The following FEM1B variants were observed in gnomAD, a reference collection of about 807,000 sequenced individuals.
The protein encoded by FEM1B is fem-1 homolog B, also known as protein fem-1 homolog B.
In FEM1B, 10 loss-of-function variants were observed where a neutral mutation model predicts 38.6. The ratio of observed to expected loss-of-function variants is 0.26; its 90% confidence interval spans 0.16 to 0.44. The LOEUF is 0.44. FEM1B is among the 20% of genes least tolerant of loss of function. The pLI is 1.00. For missense variants in FEM1B, 471 were observed against 786.7 expected (o/e 0.60, Z 4.80); for synonymous variants, 288 against 288.0 (o/e 1.00, Z 0.00).
Position 68,294,535 on chromosome 15 carries a change from T to G in FEM1B, c.*3293T>G, listed in dbSNP as rs999883181. 7 of 152,122 alleles carry G rather than the reference T, an allele frequency of 4.6e-5. No individual in the cohort carries two copies. Among genetic ancestry groups the G allele is most frequent in the Non-Finnish European group, 5.9e-5 (4 of 68,006 alleles). 9.4% of individuals were successfully genotyped at this position (152,122 alleles called of 1,614,324 possible). On this transcript the variant is annotated 3_prime_UTR_variant, in exon 2 of 2. Transcript: ENST00000306917. This position sits in a 1 kb window ranked among gnomAD's most constrained non-coding sequence, Gnocchi z 4.4. ...CCCTGTTAAGAGTTTTCACTATAGT[T>G]GAGGCAGCTACTTTATGAATAAGAC...
At position 68,280,771 on chromosome 15, in the gene FEM1B, A is replaced by G. The variant is rs899440756; in HGVS notation, c.248+2106A>G. On this transcript the variant is annotated intron_variant, in intron 1 of 1. Transcript: ENST00000306917. The surrounding 1 kb of genome is among the most constrained non-coding windows in gnomAD (Gnocchi z 4.2). The stretch of plus-strand genomic sequence containing the variant: ...TAAGAGTAAGACTGGTTAAACTGCA[A>G]TCTCAAATGTTTCCATCATTTAAGA... Among the ~76,000 whole-genome samples the G allele has an allele frequency of 6.6e-6, 1 of 152,236 alleles. No individual in the cohort carries two copies. Among genetic ancestry groups the G allele is most frequent in the Non-Finnish European group, 1.5e-5 (1 of 68,048 alleles).
At chr15:68,287,866 G>C (rs1259658721) in intron 1 of FEM1B, among the ~76,000 whole-genome samples, 2 of 88,238 alleles carry the variant, frequency 2.3e-5, no homozygotes. Context: ...ATGAAGTTTT[G>C]CTCTGTTGCC....
Position 68,295,417 on chromosome 15 carries a change from A to G in FEM1B, c.*4175A>G, listed in dbSNP as rs2140248146. On this transcript the variant is annotated 3_prime_UTR_variant, in exon 2 of 2. Coordinates refer to ENST00000306917, the MANE Select transcript of FEM1B (RefSeq NM_015322.5). Reference sequence around the variant, plus strand: ...TTGTTGTTGTTGCTTAGTAACTGGTAGAGGAGAAAAGATGAGGAAAGAAAC... The same window carrying G: ...TTGTTGTTGTTGCTTAGTAACTGGTGGAGGAGAAAAGATGAGGAAAGAAAC... 6.6e-6 allele frequency: 1 copy of G among 152,322 alleles called. No individual in the cohort carries two copies. The highest frequency in any genetic ancestry group is 2.1e-4 in the South Asian group (1 of 4,820). 9.4% of individuals were successfully genotyped at this position (152,322 alleles called of 1,614,324 possible). A position where few individuals can be genotyped will look rare whatever the true frequency, so the allele number is the denominator to read the frequency against.
At position 68,290,200 on chromosome 15, in the gene FEM1B, T is replaced by G; in HGVS notation, c.842T>G (p.Leu281Ter). The G allele has an allele frequency of 6.2e-7, 1 of 1,614,080 alleles. No individual in the cohort carries two copies. The highest frequency in any genetic ancestry group is 8.5e-7 in the Non-Finnish European group (1 of 1,180,006). ...TACCACTATCTATATTTAGCCATGTTAGAGAGGTTCCAAGATGGTGATAAC... is the reference window on the plus strand; with the variant it reads ...TACCACTATCTATATTTAGCCATGTGAGAGAGGTTCCAAGATGGTGATAAC... ...KTYHYLYLAM[L>*]ERFQDGDNIL... Residue 281 changes from leucine to a stop codon, truncating the protein, a stop_gained, in exon 2 of 2, where the codon TTA becomes TGA. Transcript: ENST00000306917. LOFTEE classifies it high-confidence loss of function. The surrounding 1 kb of genome is among the most constrained non-coding windows in gnomAD (Gnocchi z 9.7).
At chr15:68,286,365 CA>C (rs1892786335) in intron 1 of FEM1B, among the ~76,000 whole-genome samples, 1 of 151,740 alleles carries the variant, frequency 6.6e-6, no homozygotes, top group African/African-American at 2.4e-5. Flanking sequence ...ATTGGCCTGT[CA>C]GTTCTTTCTT....
At chr15:68,279,367 G>A (rs1892702724) in intron 1 of FEM1B, among the ~76,000 whole-genome samples, 1 of 152,174 alleles carries the variant, frequency 6.6e-6, no homozygotes, top group Admixed American at 6.5e-5. Flanking sequence ...TGTTAGTTGA[G>A]GTGGGAAGTT....
rs1217295213 is a variant in FEM1B at position 68,291,437 on chromosome 15, A to G, written c.*195A>G. ...TTCAGACAGACTTTAACAAAACCAC[A>G]TTGTTTTGGTGTAACTATAAGGTAT... On this transcript the variant is annotated 3_prime_UTR_variant, in exon 2 of 2. Coordinates refer to ENST00000306917, the MANE Select transcript of FEM1B (RefSeq NM_015322.5). This position sits in a 1 kb window ranked among gnomAD's most constrained non-coding sequence, Gnocchi z 6.9. The G allele has an allele frequency of 1.9e-6, 1 of 528,396 alleles. No homozygotes were observed. Among genetic ancestry groups the G allele is most frequent in the Non-Finnish European group, 3.3e-6 (1 of 302,722 alleles). 32.7% of individuals were successfully genotyped at this position (528,396 alleles called of 1,614,324 possible). A position where few individuals can be genotyped will look rare whatever the true frequency, so the allele number is the denominator to read the frequency against.
intron 1 of FEM1B, among the ~76,000 whole-genome samples, chr15:68,285,643 A>G (rs1038762662): frequency 2.0e-5 from 3 of 149,608 alleles, no homozygotes; most frequent in African/African-American, 7.4e-5. Flanking sequence ...ATCTTTTCAT[A>G]TGCTTATGGG....
rs1892709931 is a variant in FEM1B, at chr15:68,280,101, A to G, written c.248+1436A>G. On this transcript the variant is annotated intron_variant, in intron 1 of 1. Coordinates refer to ENST00000306917, the MANE Select transcript of FEM1B (RefSeq NM_015322.5). This position sits in a 1 kb window ranked among gnomAD's most constrained non-coding sequence, Gnocchi z 4.2. The stretch of plus-strand genomic sequence containing the variant: ...GAATACTGCTGCTGAGGCAATGTGC[A>G]TAAGGGAGAATAGTGGGGAGAAAAA... The G allele has an allele frequency of 6.6e-6, 1 of 152,270 alleles. No homozygotes were observed. Among genetic ancestry groups the G allele is most frequent in the Admixed American group, 6.5e-5 (1 of 15,286 alleles). 9.4% of individuals were successfully genotyped at this position (152,270 alleles called of 1,614,324 possible).
rs2140246433 is a variant in FEM1B, at chr15:68,291,459, G to T, written c.*217G>T. The T allele has an allele frequency of 6.4e-6, 3 of 468,644 alleles. No homozygotes were observed. The highest frequency in any genetic ancestry group is 1.1e-5 in the Non-Finnish European group (3 of 267,502). 29.0% of individuals were successfully genotyped at this position (468,644 alleles called of 1,614,324 possible). ...CACATTGTTTTGGTGTAACTATAAG[G>T]TATTTGCATATTGGTTACCTATTTG... On this transcript the variant is annotated 3_prime_UTR_variant, in exon 2 of 2. Coordinates refer to ENST00000306917, the MANE Select transcript of FEM1B (RefSeq NM_015322.5). The surrounding 1 kb of genome is among the most constrained non-coding windows in gnomAD (Gnocchi z 6.9).
chr15:68,282,016 A>G (rs1039268183), intron 1 of FEM1B, among the ~76,000 whole-genome samples: 4 of 152,222 alleles, frequency 2.6e-5, no homozygotes, highest in African/African-American at 9.6e-5. Flanking sequence ...GAAAAGTCAC[A>G]TGAGTGGGAA....
chr15:68,284,976 CTG>C lies in FEM1B; in HGVS notation c.249-4629_249-4628del, dbSNP rs1247967177. 6.6e-6 allele frequency among the ~76,000 whole-genome samples: 1 copy of C among 152,220 alleles called. No homozygotes were observed. Among genetic ancestry groups the C allele is most frequent in the Admixed American group, 6.5e-5 (1 of 15,290 alleles). On this transcript the variant is annotated intron_variant, in intron 1 of 1. Transcript: ENST00000306917. The surrounding 1 kb of genome is among the most constrained non-coding windows in gnomAD (Gnocchi z 4.4). ...GTGAAGCCTCCCCACCCATGTGGAA[CTG>C]TAAGTCCAGTAAACCTCTTTCTTTT... is the stretch of plus-strand genomic sequence containing the variant.
rs985407115 is a variant in FEM1B at position 68,292,288 on chromosome 15, C to G, written c.*1046C>G. ...ATCACTAGTGTGGTATAGGAACTTA[C>G]ATGTTTTTTATGATGAAAATAATTC... On this transcript the variant is annotated 3_prime_UTR_variant, in exon 2 of 2. Transcript: ENST00000306917. 3.3e-5 allele frequency: 5 copies of G among 152,138 alleles called. No homozygotes were observed. Among genetic ancestry groups the G allele is most frequent in the Non-Finnish European group, 7.4e-5 (5 of 67,980 alleles). 9.4% of individuals were successfully genotyped at this position (152,138 alleles called of 1,614,324 possible).
rs886742449 is a variant in FEM1B at position 68,280,804 on chromosome 15, T to C, written c.248+2139T>C. ...TGTTTCCATCATTTAAGATTTCATC[T>C]CCTTGATTCTGTATATCAGTTTAGC... is the stretch of plus-strand genomic sequence containing the variant. On this transcript the variant is annotated intron_variant, in intron 1 of 1. Coordinates refer to ENST00000306917, the MANE Select transcript of FEM1B (RefSeq NM_015322.5). The surrounding 1 kb of genome is among the most constrained non-coding windows in gnomAD (Gnocchi z 4.2). Among the ~76,000 whole-genome samples the C allele has an allele frequency of 6.6e-6, 1 of 152,230 alleles. No individual in the cohort carries two copies. Among genetic ancestry groups the C allele is most frequent in the Non-Finnish European group, 1.5e-5 (1 of 68,048 alleles).
Position 68,289,360 on chromosome 15 carries a change from A to G in FEM1B, c.249-247A>G. On this transcript the variant is annotated intron_variant, in intron 1 of 1. Transcript: ENST00000306917. The surrounding 1 kb of genome is among the most constrained non-coding windows in gnomAD (Gnocchi z 6.9). ...GCTAGTAGAAAGTTCGTGATTTTTC[A>G]GGTTTGTTTTTTAGGGTTATATACT... 1 of 409,162 alleles carries G rather than the reference A, an allele frequency of 2.4e-6. No individual in the cohort carries two copies. Among genetic ancestry groups the G allele is most frequent in the African/African-American group, 2.0e-5 (1 of 49,276 alleles). The allele number at this position is 409,162 out of a possible 1,614,324, so 25.3% of individuals were successfully genotyped here.
At position 68,290,571 on chromosome 15, in the gene FEM1B, CCAGA is replaced by C; in HGVS notation, c.1216_1219del (p.Asp406Ter). ...ACATTTGAATGAAACTGTGAAGGCC[CCAGA>C]CATAGAATGTGTTTTGAGATGCAGT... On this transcript the variant is annotated frameshift_variant, in exon 2 of 2. Transcript: ENST00000306917. LOFTEE classifies it high-confidence loss of function. This position sits in a 1 kb window ranked among gnomAD's most constrained non-coding sequence, Gnocchi z 9.7. The C allele has an allele frequency of 6.2e-7, 1 of 1,614,114 alleles. No individual in the cohort carries two copies. The highest frequency in any genetic ancestry group is 8.5e-7 in the Non-Finnish European group (1 of 1,180,018).
rs998699517 is a variant in FEM1B at position 68,284,686 on chromosome 15, C to G, written c.249-4921C>G. On this transcript the variant is annotated intron_variant, in intron 1 of 1. Coordinates refer to ENST00000306917, the MANE Select transcript of FEM1B (RefSeq NM_015322.5). This position sits in a 1 kb window ranked among gnomAD's most constrained non-coding sequence, Gnocchi z 4.4. ...GCCCCTTCTCAGTTTCCTCCCTTTC[C>G]TTGCCAGAGGTAATGATTATTTTGA... Among the ~76,000 whole-genome samples the G allele has an allele frequency of 6.6e-6, 1 of 152,154 alleles. No homozygotes were observed.
In FEM1B at chr15:68,278,127, C is replaced by T; in HGVS notation, c.-291C>T. 1 of 327,000 alleles carries T rather than the reference C, an allele frequency of 3.1e-6. No homozygotes were observed. The highest frequency in any genetic ancestry group is 4.4e-5 in the South Asian group (1 of 22,474). 20.3% of individuals were successfully genotyped at this position (327,000 alleles called of 1,614,324 possible). A position where few individuals can be genotyped will look rare whatever the true frequency, so the allele number is the denominator to read the frequency against. ...CCGGCCTGAGGCCCGGGGCGGCGTCCGCCATGGAGATCCCCTCGGTCCAGG... is the reference window on the plus strand; with the variant it reads ...CCGGCCTGAGGCCCGGGGCGGCGTCTGCCATGGAGATCCCCTCGGTCCAGG... On this transcript the variant is annotated 5_prime_UTR_variant, in exon 1 of 2. Coordinates refer to ENST00000306917, the MANE Select transcript of FEM1B (RefSeq NM_015322.5). This position sits in a 1 kb window ranked among gnomAD's most constrained non-coding sequence, Gnocchi z 5.7.
intron 1 of FEM1B, among the ~76,000 whole-genome samples, chr15:68,286,789 T>C (rs35576212): frequency 0.085 from 11,827 of 138,444 alleles, 637 homozygotes; most frequent in South Asian, 0.2. Context: ...ATCATGACAA[T>C]AAAAACATAA....
Sources: allele counts gnomAD v4.1 joint callset (sites outside exome capture counted in the v4.1 genomes callset), GRCh38; gene constraint gnomAD v4.1.1; non-coding constraint Gnocchi (gnomAD v3.1); transcripts MANE v1.5; gene names NCBI Gene and HGNC (gene_info 2026-07-23, HGNC 2026-07-21).